The following MALRD1 variants were observed in gnomAD, a reference collection of about 807,000 sequenced individuals.
MALRD1 encodes MAM and LDL-receptor class A domain-containing protein 1.
A neutral mutation model predicts 242.1 loss-of-function variants in MALRD1; 247 were observed. The observed-to-expected ratio is 1.02, with a 90% CI of 0.92 to 1.13. The LOEUF is 1.13. Among genes scored for constraint, MALRD1 ranks in the 50% most tolerant of loss-of-function variants. The probability of loss-of-function intolerance (pLI) is 0.00; values close to 1 mark genes in which losing one functional copy is unlikely to be tolerated. For synonymous variants in MALRD1, 995 were observed against 866.6 expected, an observed-to-expected ratio of 1.15 and a Z score of -2.60; for missense variants, 2,989 against 2,533.1, an observed-to-expected ratio of 1.18 and a Z score of -3.86.
chr10:19,066,823 T>G lies in MALRD1; in HGVS notation c.304T>G (p.Ser102Ala). 2 of 1,233,736 alleles carry G rather than the reference T, an allele frequency of 1.6e-6. No individual in the cohort carries two copies. Among genetic ancestry groups the G allele is most frequent in the South Asian group, 8.2e-5 (2 of 24,408 alleles). The allele number at this position is 1,233,736 out of a possible 1,614,324, so 76.4% of individuals were successfully genotyped here. A position where few individuals can be genotyped will look rare whatever the true frequency, so the allele number is the denominator to read the frequency against. ...WTKRSGMIGL[S>A]PPFYDHNGDV... The stretch of plus-strand genomic sequence containing the variant: ...AAAGAGAAGTGGGATGATTGGTCTA[T>G]CACCTCCATTTTATGATCACAATGG... Residue 102 changes from serine (S) to alanine (A), a missense_variant, in exon 2 of 40, where the codon TCA becomes GCA. Coordinates refer to ENST00000454679, the MANE Select transcript of MALRD1 (RefSeq NM_001142308.3).
intron 30 of MALRD1, among the ~76,000 whole-genome samples, chr10:19,497,095 C>A (rs769735948): frequency 6.6e-6 from 1 of 151,806 alleles, no homozygotes; most frequent in Non-Finnish European, 1.5e-5. Flanking sequence ...GAAAAGGATG[C>A]GGAATAAATA....
At chr10:19,198,683 C>A (rs1414610160) in intron 14 of MALRD1, among the ~76,000 whole-genome samples, 1 of 152,140 alleles carries the variant, frequency 6.6e-6, no homozygotes, top group African/African-American at 2.4e-5. Flanking sequence ...TTGTCTAGAT[C>A]TCAGGAGACC....
rs191438492 is a variant in MALRD1 at position 19,596,231 on chromosome 10, A to C, written c.5944+774A>C. Among the ~76,000 whole-genome samples the C allele has an allele frequency of 3.9e-5, 6 of 152,304 alleles. No homozygotes were observed. In the East Asian group the frequency reaches 1.2e-3, roughly 29 times the overall value. On this transcript the variant is annotated intron_variant, in intron 34 of 39. Transcript: ENST00000454679. The stretch of plus-strand genomic sequence containing the variant: ...ATTACACACATCTTAAAGTGAGTAC[A>C]TATCACTGTGGTGTCCAAACACCCC...
chr10:19,545,201 AG>A (rs1209566839), intron 32 of MALRD1, among the ~76,000 whole-genome samples: 1 of 152,092 alleles, frequency 6.6e-6, no homozygotes, highest in Admixed American at 6.6e-5. Context: ...TCATTTTATA[AG>A]GGCATCATTC....
chr10:19,237,712 ATT>A (rs1250280882), intron 18 of MALRD1, among the ~76,000 whole-genome samples: 2 of 78,122 alleles, frequency 2.6e-5, no homozygotes, highest in East Asian at 2.9e-4. Context: ...TTATATATAT[ATT>A]TATATATAAA....
intron 18 of MALRD1, among the ~76,000 whole-genome samples, chr10:19,222,150 C>A (rs1433082857): frequency 6.6e-6 from 1 of 151,666 alleles, no homozygotes; most frequent in Non-Finnish European, 1.5e-5. Flanking sequence ...CTTGAGTTTC[C>A]TTCTTGTTCC....
At chr10:19,468,653 C>G (rs1481116587) in intron 29 of MALRD1, among the ~76,000 whole-genome samples, 1 of 151,830 alleles carries the variant, frequency 6.6e-6, no homozygotes, top group Non-Finnish European at 1.5e-5. Context: ...ATATCTGAAA[C>G]AGACTGTAAG....
intron 35 of MALRD1, among the ~76,000 whole-genome samples, chr10:19,609,696 A>G (rs1838800770): frequency 6.6e-6 from 1 of 152,054 alleles, no homozygotes; most frequent in African/African-American, 2.4e-5. Flanking sequence ...TATATTATGC[A>G]AGTATATTAT....
At chr10:19,543,977 C>T (rs928763094) in intron 32 of MALRD1, among the ~76,000 whole-genome samples, 5 of 152,004 alleles carry the variant, frequency 3.3e-5, no homozygotes, top group Admixed American at 3.3e-4. Flanking sequence ...TTCCATGCTA[C>T]TTGGCTTTAG....
At chr10:19,600,496 A>G (rs1411636776) in intron 34 of MALRD1, among the ~76,000 whole-genome samples, 1 of 152,218 alleles carries the variant, frequency 6.6e-6, no homozygotes, top group African/African-American at 2.4e-5. Flanking sequence ...ATTTAAATCA[A>G]GAATAAAATA....
At chr10:19,585,284 A>G (rs1837331852) in intron 33 of MALRD1, among the ~76,000 whole-genome samples, 1 of 150,230 alleles carries the variant, frequency 6.7e-6, no homozygotes, top group Non-Finnish European at 1.5e-5. Flanking sequence ...TTAGCTGGTT[A>G]TTTTGTTCGT....
chr10:19,172,155 AT>A (rs1291521992), intron 13 of MALRD1, among the ~76,000 whole-genome samples: 1 of 145,944 alleles, frequency 6.9e-6, no homozygotes, highest in Non-Finnish European at 1.5e-5. Context: ...ATATATACAT[AT>A]ATACACATAT....
At chr10:19,174,401 A>G (rs1835134416) in intron 13 of MALRD1, among the ~76,000 whole-genome samples, 1 of 152,150 alleles carries the variant, frequency 6.6e-6, no homozygotes, top group Non-Finnish European at 1.5e-5. Flanking sequence ...GAGCCCTGGC[A>G]CAAGTAAATT....
intron 21 of MALRD1, among the ~76,000 whole-genome samples, chr10:19,290,747 A>C (rs1841378014): frequency 6.6e-6 from 1 of 152,298 alleles, no homozygotes; most frequent in East Asian, 1.9e-4. Context: ...TTTTTTAAAA[A>C]ATTATTATTT....
intron 28 of MALRD1, among the ~76,000 whole-genome samples, chr10:19,446,184 T>C (rs1589088558): frequency 6.6e-6 from 1 of 152,126 alleles, no homozygotes; most frequent in East Asian, 1.9e-4. Flanking sequence ...GTACCGTCTG[T>C]CATGGCTTCC....
chr10:19,332,261 A>C (rs1022130783), intron 24 of MALRD1, among the ~76,000 whole-genome samples: 1 of 151,034 alleles, frequency 6.6e-6, no homozygotes, highest in Admixed American at 6.6e-5. Context: ...CCTCTGATGC[A>C]TTTCAGAGGA....
intron 32 of MALRD1, among the ~76,000 whole-genome samples, chr10:19,548,904 A>G (rs148727707): frequency 6.6e-6 from 1 of 152,328 alleles, no homozygotes; most frequent in African/African-American, 2.4e-5. Context: ...AAGGTGAGAT[A>G]GGCTGAAAGC....
intron 35 of MALRD1, among the ~76,000 whole-genome samples, chr10:19,608,527 G>A (rs1357493860): frequency 6.6e-6 from 1 of 151,594 alleles, no homozygotes; most frequent in African/African-American, 2.4e-5. Context: ...ATTTCACATG[G>A]ATGATATATA....
At chr10:19,648,809 G>T (rs1372934899) in intron 36 of MALRD1, among the ~76,000 whole-genome samples, 1 of 152,106 alleles carries the variant, frequency 6.6e-6, no homozygotes, top group Non-Finnish European at 1.5e-5. Context: ...TGTGTGTCAT[G>T]GGGATTTGTT....
Sources: gnomAD v4.1 joint callset for allele counts (sites outside exome capture counted in the v4.1 genomes callset) on GRCh38, gnomAD v4.1.1 for gene constraint, MANE v1.5 for transcripts, NCBI Gene and HGNC (gene_info 2026-07-23, HGNC 2026-07-21) for gene names.